The following KDM5A variants were observed in gnomAD, a reference collection of about 807,000 sequenced individuals.
KDM5A encodes lysine demethylase 5A.
KDM5A carries 42 observed loss-of-function variants against 193.5 expected under a neutral mutation model. That is an observed-to-expected ratio of 0.22 (90% CI 0.17 to 0.28). KDM5A has a LOEUF of 0.28. KDM5A is among the 10% of genes least tolerant of loss of function. KDM5A has a pLI of 1.00. For synonymous variants in KDM5A, 796 were observed against 718.1 expected (o/e 1.11, Z -1.73); for missense variants, 1,692 against 2,055.1 (o/e 0.82, Z 3.42).
Position 284,044 on chromosome 12 carries a change from T to C in KDM5A, c.*1412A>G, listed in dbSNP as rs1269819478. 4 of 232,452 alleles carry C rather than the reference T, an allele frequency of 1.7e-5. No individual in the cohort carries two copies. The highest frequency in any genetic ancestry group is 3.4e-5 in the Non-Finnish European group (4 of 117,606). 14.4% of individuals were successfully genotyped at this position (232,452 alleles called of 1,614,324 possible). Reference sequence around the variant, plus strand: ...CACACAAAGGACATATAATTATCTATATGAACAAAAGCAAAATGGAAGATC... The same window carrying C: ...CACACAAAGGACATATAATTATCTACATGAACAAAAGCAAAATGGAAGATC... On this transcript the variant is annotated 3_prime_UTR_variant, in exon 28 of 28. Transcript: ENST00000399788.
intron 20 of KDM5A, among the ~76,000 whole-genome samples, chr12:311,549 C>T (rs1464695044): frequency 6.6e-6 from 1 of 152,056 alleles, no homozygotes; most frequent in Admixed American, 6.6e-5. Flanking sequence ...CTTAGTCCTT[C>T]AATTCTAAAT....
chr12:366,471 T>A (rs1243399160), intron 3 of KDM5A, among the ~76,000 whole-genome samples: 1 of 152,200 alleles, frequency 6.6e-6, no homozygotes, highest in African/African-American at 2.4e-5. Flanking sequence ...TGAAAATAAA[T>A]GTTATATAAT....
Position 350,608 on chromosome 12 carries a change from G to C in KDM5A, c.1308+13C>G. On this transcript the variant is annotated intron_variant, in intron 10 of 27. Transcript: ENST00000399788. ...CAGCTTGGGGGTAAGCAAAAGTTTG[G>C]ATAAATCTGCACCTCTTCTTCTGGC... 1 of 1,613,760 alleles carries C rather than the reference G, an allele frequency of 6.2e-7. No individual in the cohort carries two copies. The highest frequency in any genetic ancestry group is 8.5e-7 in the Non-Finnish European group (1 of 1,179,804).
intron 11 of KDM5A, among the ~76,000 whole-genome samples, 160 bp downstream of exon 11, chr12:334,081 T>C (rs1006562862): frequency 1.3e-5 from 2 of 152,236 alleles, no homozygotes; most frequent in African/African-American, 2.4e-5. Flanking sequence ...ATAGCTTCAC[T>C]GAGTTCAATT....
chr12:367,971 T>C (rs535386958), intron 3 of KDM5A, among the ~76,000 whole-genome samples: 6 of 152,326 alleles, frequency 3.9e-5, no homozygotes, highest in Admixed American at 3.9e-4. Context: ...CTCAAACAGA[T>C]TCTTGCACAC....
intron 3 of KDM5A, among the ~76,000 whole-genome samples, chr12:370,772 C>A (rs765624335): frequency 2.0e-5 from 3 of 152,208 alleles, no homozygotes; most frequent in Non-Finnish European, 4.4e-5. Context: ...CCACTACCCC[C>A]ACCCTACGAC....
At chr12:385,867 A>C in intron 2 of KDM5A, 30 bp downstream of exon 2, 1 of 1,557,294 alleles carries the variant, frequency 6.4e-7, no homozygotes, top group South Asian at 1.1e-5. Context: ...AGAATGAATC[A>C]GGAAGCAGAA....
Position 318,454 on chromosome 12 carries a change from A to G in KDM5A, c.2549T>C (p.Leu850Pro). The change falls in exon 19 of 28, where the codon CTA (leucine) becomes CCA (proline). Residue 850 changes from leucine to proline, a missense_variant. Physicochemically the swap from Leu to Pro is moderately conservative, Grantham distance 98. Coordinates refer to ENST00000399788, the MANE Select transcript of KDM5A (RefSeq NM_001042603.3). ...TTCATGAAACTCTTCCACATCATCT[A>G]GCAGATTCTGAAAAGGTCAAAAGAA... is the stretch of plus-strand genomic sequence containing the variant. ...ISQARQVKNL[L>P]DDVEEFHERA... 1 of 1,610,916 alleles carries G rather than the reference A, an allele frequency of 6.2e-7. No individual in the cohort carries two copies. The highest frequency in any genetic ancestry group is 1.1e-5 in the South Asian group (1 of 91,024).
intron 4 of KDM5A, among the ~76,000 whole-genome samples, chr12:363,792 A>T (rs1434923899): frequency 6.6e-6 from 1 of 152,184 alleles, no homozygotes; most frequent in Admixed American, 6.6e-5. Flanking sequence ...TTCTTCAAAA[A>T]GTGACCAGTA....
At chr12:334,890 C>A (rs1233178402) in intron 10 of KDM5A, among the ~76,000 whole-genome samples, 1 of 152,140 alleles carries the variant, frequency 6.6e-6, no homozygotes, top group African/African-American at 2.4e-5. Context: ...ACCGCCATCA[C>A]TCCTAACCAT....
intron 27 of KDM5A, 111 bp from the exon 28 acceptor site, chr12:285,773 T>C (rs1943213227): frequency 3.2e-6 from 3 of 923,612 alleles, no homozygotes; most frequent in Admixed American, 1.8e-5. Context: ...CTGGGATGTC[T>C]AGATAGGCAA....
intron 5 of KDM5A, among the ~76,000 whole-genome samples, chr12:357,338 C>CAAAA (rs35804849): frequency 0.051 from 7,289 of 142,558 alleles, 648 homozygotes; most frequent in African/African-American, 0.18. Context: ...CCGTTTCTAC[C>CAAAA]AAAAAAAAAA....
intron 24 of KDM5A, among the ~76,000 whole-genome samples, chr12:304,109 A>G (rs1943476195): frequency 1.3e-5 from 2 of 152,202 alleles, no homozygotes; most frequent in Admixed American, 1.3e-4. Flanking sequence ...AGTTTCCACA[A>G]GCTCACCTAC....
intron 10 of KDM5A, among the ~76,000 whole-genome samples, chr12:340,386 G>A (rs775500516): frequency 4.6e-5 from 7 of 152,060 alleles, no homozygotes; most frequent in Non-Finnish European, 8.8e-5. Flanking sequence ...CTCCAAGCTA[G>A]AAGTATCATT....
At chr12:308,859 T>C (rs1350411974) in intron 22 of KDM5A, among the ~76,000 whole-genome samples, 1 of 152,184 alleles carries the variant, frequency 6.6e-6, no homozygotes, top group East Asian at 1.9e-4. Flanking sequence ...TTCCATTTCC[T>C]CAGGCTCCTA....
intron 10 of KDM5A, among the ~76,000 whole-genome samples, chr12:339,221 T>C (rs897560081): frequency 1.0e-4 from 15 of 149,970 alleles, no homozygotes; most frequent in Non-Finnish European, 1.3e-4. Flanking sequence ...TGTTACCAGA[T>C]ACCAAAAGGG....
rs190843539 is a variant in KDM5A, at chr12:348,009, A to G, written c.1308+2612T>C. Among the ~76,000 whole-genome samples, 365 of 152,348 alleles carry G rather than the reference A, an allele frequency of 2.4e-3. 2 individuals carry two copies. The highest frequency in any genetic ancestry group is 6.8e-3 in the Middle Eastern group (2 of 294). On this transcript the variant is annotated intron_variant, in intron 10 of 27. Coordinates refer to ENST00000399788, the MANE Select transcript of KDM5A (RefSeq NM_001042603.3). ...GAAGGGGAGAAAATTTTTGCAATCT[A>G]TCCATCTGACAAAGGGCTAATATCC...
chr12:312,616 G>A lies in KDM5A; in HGVS notation c.3036+440C>T, dbSNP rs1591907847. On this transcript the variant is annotated intron_variant, in intron 20 of 27. Coordinates refer to ENST00000399788, the MANE Select transcript of KDM5A (RefSeq NM_001042603.3). ...ACGAAAGAGTAAGTGAACTTTACTAGAATTATTTTATAGATGCTCCTCAAC... is the reference window on the plus strand; with the variant it reads ...ACGAAAGAGTAAGTGAACTTTACTAAAATTATTTTATAGATGCTCCTCAAC... Among the ~76,000 whole-genome samples the A allele has an allele frequency of 2.0e-5, 3 of 152,122 alleles. No homozygotes were observed. In the East Asian group the frequency reaches 5.8e-4, roughly 29 times the overall value.
intron 21 of KDM5A, among the ~76,000 whole-genome samples, chr12:310,323 C>T (rs938226211): frequency 5.9e-5 from 9 of 152,094 alleles, no homozygotes; most frequent in South Asian, 2.1e-4. Context: ...ATTTGTGCTT[C>T]GGAGAAATAC....
Sources: allele counts gnomAD v4.1 joint callset (sites outside exome capture counted in the v4.1 genomes callset), GRCh38; gene constraint gnomAD v4.1.1; transcripts MANE v1.5; gene names NCBI Gene and HGNC (gene_info 2026-07-23, HGNC 2026-07-21).